Variants in MSI2 observed in about 807,000 individuals in gnomAD.
MSI2 encodes the protein musashi RNA binding protein 2.
Under a neutral mutation model 45.6 loss-of-function variants are expected in MSI2, and 17 were observed. That is an observed-to-expected ratio of 0.37 (90% CI 0.26 to 0.56). The LOEUF is 0.56. Among genes scored for constraint, MSI2 ranks in the 20% least tolerant of loss-of-function variants. The probability of loss-of-function intolerance (pLI) is 0.77; values close to 1 mark genes in which losing one functional copy is unlikely to be tolerated. For missense variants in MSI2, 293 were observed against 444.2 expected, an observed-to-expected ratio of 0.66 and a Z score of 3.06; for synonymous variants, 156 against 158.2, an observed-to-expected ratio of 0.99 and a Z score of 0.11.
chr17:57,429,896 C>T (rs2084563924), intron 6 of MSI2, among the ~76,000 whole-genome samples: 1 of 152,216 alleles, frequency 6.6e-6, no homozygotes, highest in Admixed American at 6.5e-5. Flanking sequence ...GCAGGCAGGC[C>T]TGGCTGCCAT....
At chr17:57,268,539 A>G (rs1598048503) in intron 5 of MSI2, 1 of 78,164 alleles carries the variant, frequency 1.3e-5, no homozygotes, top group South Asian at 5.4e-4. Context: ...ACTAATAATT[A>G]AAAAAAAAAA....
chr17:57,687,903 T>A (rs1913914732), downstream of MSI2, among the ~76,000 whole-genome samples: 2 of 152,104 alleles, frequency 1.3e-5, no homozygotes, highest in Non-Finnish European at 2.9e-5. Flanking sequence ...TTCAAGGACA[T>A]TTCAACATCA....
intron 6 of MSI2, among the ~76,000 whole-genome samples, chr17:57,409,256 A>G (rs62060397): frequency 0.023 from 3,470 of 152,288 alleles, 47 homozygotes; most frequent in Non-Finnish European, 0.034. Context: ...AATAGCTTTT[A>G]GCTGATTATT....
rs2143367355 is a variant in MSI2 at position 57,280,238 on chromosome 17, C to G, written c.312+18046C>G. ...TCTTATCTTAGGAGGGTTGGGGAAG[C>G]CATCCATTTAAAAGTTTAAGGGATG... is the stretch of plus-strand genomic sequence containing the variant. On this transcript the variant is annotated intron_variant, in intron 5 of 13. Coordinates refer to ENST00000284073, the MANE Select transcript of MSI2 (RefSeq NM_138962.4). This position sits in a 1 kb window ranked among gnomAD's most constrained non-coding sequence, Gnocchi z 4.2. Among the ~76,000 whole-genome samples, 1 of 152,132 alleles carries G rather than the reference C, an allele frequency of 6.6e-6. No individual in the cohort carries two copies. The highest frequency in any genetic ancestry group is 1.9e-4 in the East Asian group (1 of 5,168).
chr17:57,592,212 C>T (rs6503817), intron 7 of MSI2, among the ~76,000 whole-genome samples: 90,467 of 151,532 alleles, frequency 0.6, 27,103 homozygotes, highest in Admixed American at 0.64. Flanking sequence ...TTTTATGTTA[C>T]GTATATTTTA....
intron 6 of MSI2, among the ~76,000 whole-genome samples, chr17:57,464,678 G>A (rs572578488): frequency 7.9e-5 from 12 of 152,258 alleles, no homozygotes; most frequent in East Asian, 3.9e-4. Context: ...ATCCTCCCAC[G>A]CTGCTGCCCC....
chr17:57,587,321 T>C (rs1046878521), intron 7 of MSI2, among the ~76,000 whole-genome samples: 4 of 152,220 alleles, frequency 2.6e-5, no homozygotes, highest in African/African-American at 9.7e-5. Context: ...AGAAGGTTTC[T>C]CCTCACATTT....
At chr17:57,394,286 A>G (rs1598210197) in intron 5 of MSI2, among the ~76,000 whole-genome samples, 1 of 152,130 alleles carries the variant, frequency 6.6e-6, no homozygotes. Flanking sequence ...TGGCTTCTCC[A>G]TTTGTCACTC....
chr17:57,550,189 G>A (rs992787161), intron 7 of MSI2, among the ~76,000 whole-genome samples: 3 of 152,176 alleles, frequency 2.0e-5, no homozygotes, highest in African/African-American at 7.2e-5. Flanking sequence ...CATGGGAGAG[G>A]GGGCTTGCAG....
chr17:57,472,221 A>G (rs2085451548), intron 6 of MSI2, among the ~76,000 whole-genome samples: 1 of 152,204 alleles, frequency 6.6e-6, no homozygotes, highest in Non-Finnish European at 1.5e-5. Context: ...GAAGGCTTCT[A>G]AAGTCAACTC....
In MSI2 at chr17:57,612,113, A is replaced by G. The variant is rs1907238436; in HGVS notation, c.538-3857A>G. Among the ~76,000 whole-genome samples, 2 of 95,284 alleles carry G rather than the reference A, an allele frequency of 2.1e-5. 1 individual carries two copies. Among genetic ancestry groups the G allele is most frequent in the African/African-American group, 6.5e-5 (2 of 30,600 alleles). The allele number at this position is 95,284 out of a possible 152,430, so 62.5% of individuals were successfully genotyped here. ...GCTTATGCAGGGCCTGGGGGAGGAC[A>G]GCAGGGGAAGGTGACCCGATGTGGG... On this transcript the variant is annotated intron_variant, in intron 8 of 13. Transcript: ENST00000284073.
chr17:57,492,393 C>T (rs2085891160), intron 6 of MSI2, among the ~76,000 whole-genome samples: 1 of 152,190 alleles, frequency 6.6e-6, no homozygotes, highest in African/African-American at 2.4e-5. Context: ...GAGATAAAAA[C>T]CTTGTAGCAT....
chr17:57,481,722 A>G (rs1443037961), intron 6 of MSI2, among the ~76,000 whole-genome samples: 1 of 152,210 alleles, frequency 6.6e-6, no homozygotes, highest in Non-Finnish European at 1.5e-5. Flanking sequence ...CAGAAGGGGC[A>G]AGGAAAAGGC....
chr17:57,416,609 A>C (rs1433806860), intron 6 of MSI2, among the ~76,000 whole-genome samples: 1 of 152,062 alleles, frequency 6.6e-6, no homozygotes, highest in Non-Finnish European at 1.5e-5. Flanking sequence ...TTTACAATGC[A>C]CCACTCCCTC....
At chr17:57,649,426 TACAC>T (rs145466877) in intron 10 of MSI2, among the ~76,000 whole-genome samples, 3 of 146,748 alleles carry the variant, frequency 2.0e-5, no homozygotes, top group South Asian at 2.2e-4. Context: ...ACACATTCAA[TACAC>T]ACACACACAC....
chr17:57,560,283 G>A (rs550647152), intron 7 of MSI2, among the ~76,000 whole-genome samples: 65 of 152,234 alleles, frequency 4.3e-4, no homozygotes, highest in Non-Finnish European at 7.6e-4. Flanking sequence ...TATTTTCTGG[G>A]GTGGTGGAGG....
chr17:57,533,675 A>G (rs2086866723), intron 7 of MSI2, among the ~76,000 whole-genome samples: 1 of 152,198 alleles, frequency 6.6e-6, no homozygotes, highest in African/African-American at 2.4e-5. Flanking sequence ...TTTATCCAGA[A>G]GTGCTCTTGA....
chr17:57,580,923 A>G (rs2088184676), intron 7 of MSI2, among the ~76,000 whole-genome samples: 1 of 151,830 alleles, frequency 6.6e-6, no homozygotes, highest in African/African-American at 2.4e-5. Flanking sequence ...ATCTTTATAT[A>G]AAAACAACAG....
chr17:57,670,588 G>A (rs1381394686), intron 11 of MSI2, among the ~76,000 whole-genome samples: 3 of 152,164 alleles, frequency 2.0e-5, no homozygotes, highest in Admixed American at 6.5e-5. Flanking sequence ...TTTCATTCAA[G>A]TGCATCTCCT....
Sources: gnomAD v4.1 joint callset for allele counts (sites outside exome capture counted in the v4.1 genomes callset) on GRCh38, gnomAD v4.1.1 for gene constraint, Gnocchi (gnomAD v3.1) non-coding constraint, MANE v1.5 for transcripts, NCBI Gene and HGNC (gene_info 2026-07-23, HGNC 2026-07-21) for gene names.